Variants in ZNF521 observed in about 807,000 individuals in gnomAD.
The protein encoded by ZNF521 is LYST-interacting protein 3.
In ZNF521, 14 loss-of-function variants were observed where a neutral mutation model predicts 105.5. The ratio of observed to expected loss-of-function variants is 0.13; its 90% CI spans 0.09 to 0.21. The LOEUF (loss-of-function observed/expected upper bound fraction) is 0.21, where lower values mean the gene tolerates loss of function less well. Among genes scored for constraint, ZNF521 ranks in the 10% least tolerant of loss-of-function variants. The pLI is 1.00. For missense variants in ZNF521, 1,233 were observed against 1,629.7 expected, an observed-to-expected ratio of 0.76 and a Z score of 4.19; for synonymous variants, 635 against 606.0, an observed-to-expected ratio of 1.05 and a Z score of -0.70.
chr18:25,143,739 A>C (rs1006704744), intron 5 of ZNF521, among the ~76,000 whole-genome samples: 1 of 152,198 alleles, frequency 6.6e-6, no homozygotes, highest in Admixed American at 6.6e-5. Context: ...GTAGAGACAG[A>C]AAGTTGCGAT....
intron 3 of ZNF521, among the ~76,000 whole-genome samples, chr18:25,262,323 T>C (rs1382537264): frequency 2.6e-5 from 4 of 152,234 alleles, no homozygotes; most frequent in Non-Finnish European, 5.9e-5. Flanking sequence ...TCACATGGTA[T>C]AGTACTCTTT....
At chr18:25,257,775 G>C (rs1908620919) in intron 3 of ZNF521, among the ~76,000 whole-genome samples, 1 of 152,168 alleles carries the variant, frequency 6.6e-6, no homozygotes, top group East Asian at 1.9e-4. Context: ...CTTTCTGACT[G>C]GAAGAGATAC....
chr18:25,340,084 T>C (rs1164760771), intron 2 of ZNF521, among the ~76,000 whole-genome samples: 1 of 152,110 alleles, frequency 6.6e-6, no homozygotes, highest in Non-Finnish European at 1.5e-5. Context: ...TGGTAGGTTG[T>C]GGTGGCTCAC....
At chr18:25,114,275 T>C (rs376658875) in intron 5 of ZNF521, among the ~76,000 whole-genome samples, 5 of 152,178 alleles carry the variant, frequency 3.3e-5, no homozygotes, top group African/African-American at 1.2e-4. Context: ...TTTCCAATGC[T>C]GCAATACTGG....
At chr18:25,079,030 C>T (rs538170222) in intron 7 of ZNF521, among the ~76,000 whole-genome samples, 1 of 152,336 alleles carries the variant, frequency 6.6e-6, no homozygotes, top group South Asian at 2.1e-4. Flanking sequence ...CACAAATCAC[C>T]ACTGCTCTTT....
At chr18:25,186,712 C>T (rs964129719) in intron 5 of ZNF521, among the ~76,000 whole-genome samples, 10 of 151,962 alleles carry the variant, frequency 6.6e-5, no homozygotes, top group Admixed American at 1.3e-4. Flanking sequence ...CTTCCACCTC[C>T]AGACCTTCAG....
At chr18:25,180,086 A>C (rs2035605339) in intron 5 of ZNF521, among the ~76,000 whole-genome samples, 1 of 152,258 alleles carries the variant, frequency 6.6e-6, no homozygotes, top group African/African-American at 2.4e-5. Flanking sequence ...AGTTAAAAAA[A>C]CTTTTTCGTT....
chr18:25,299,855 G>A (rs1034466240), intron 3 of ZNF521, among the ~76,000 whole-genome samples: 1 of 152,178 alleles, frequency 6.6e-6, no homozygotes. Flanking sequence ...GAGAGACTCT[G>A]ATTTCGGTGG....
chr18:25,098,235 G>T lies in ZNF521; in HGVS notation c.3659-6154C>A, dbSNP rs1051189616. On this transcript the variant is annotated intron_variant, in intron 5 of 7. Transcript: ENST00000361524. ...AAAAGGTGGCTTTCCTTCAACTGAG[G>T]GGACTCAGCAGTGGTATTTTGGCAC... Among the ~76,000 whole-genome samples, 3 of 152,090 alleles carry T rather than the reference G, an allele frequency of 2.0e-5. No individual in the cohort carries two copies. In the South Asian group the frequency reaches 6.2e-4, roughly 31 times the overall value.
intron 5 of ZNF521, among the ~76,000 whole-genome samples, chr18:25,132,965 C>T (rs141967383): frequency 0.01 from 1,593 of 152,248 alleles, 13 homozygotes; most frequent in Non-Finnish European, 0.017. Flanking sequence ...AACAGCAGGA[C>T]ATGTGTGCGG....
intron 4 of ZNF521, chr18:25,201,645 T>G (rs1347067464): frequency 6.6e-6 from 1 of 152,188 alleles, no homozygotes; most frequent in Non-Finnish European, 1.5e-5. Context: ...TCCCTCTATT[T>G]CAAGGCTTTT....
chr18:25,323,615 CTT>C (rs1197311875), intron 2 of ZNF521, among the ~76,000 whole-genome samples: 5 of 152,052 alleles, frequency 3.3e-5, no homozygotes, highest in African/African-American at 7.2e-5. Flanking sequence ...CTATTTAACA[CTT>C]TAGATATTTC....
chr18:25,191,293 A>G (rs753564793), intron 5 of ZNF521, among the ~76,000 whole-genome samples: 2 of 152,172 alleles, frequency 1.3e-5, no homozygotes, highest in Non-Finnish European at 2.9e-5. Context: ...TGAACTTTGA[A>G]AGGGAGGCCT....
chr18:25,082,669 C>G, intron 7 of ZNF521: 1 of 415,804 alleles, frequency 2.4e-6, no homozygotes, highest in Non-Finnish European at 4.7e-6. Context: ...AACCCCATCT[C>G]TACTAAAATA....
At chr18:25,307,726 A>G (rs1382832147) in intron 3 of ZNF521, among the ~76,000 whole-genome samples, 1 of 152,194 alleles carries the variant, frequency 6.6e-6, no homozygotes, top group African/African-American at 2.4e-5. Flanking sequence ...GAAGTCATAA[A>G]AGACACTGCA....
At chr18:25,295,867 A>G (rs1455941286) in intron 3 of ZNF521, among the ~76,000 whole-genome samples, 8 of 152,184 alleles carry the variant, frequency 5.3e-5, no homozygotes, top group African/African-American at 4.8e-5. Flanking sequence ...CTTAGTGTAT[A>G]ATGCCAAACC....
chr18:25,256,393 G>A (rs1269931332), intron 3 of ZNF521, among the ~76,000 whole-genome samples: 1 of 152,112 alleles, frequency 6.6e-6, no homozygotes, highest in Non-Finnish European at 1.5e-5. Context: ...AAAATTTTAT[G>A]TTATGTATAC....
Position 25,195,157 on chromosome 18 carries a change from C to T in ZNF521, c.3658+3G>A. The T allele has an allele frequency of 6.3e-7, 1 of 1,597,864 alleles. No individual in the cohort carries two copies. The highest frequency in any genetic ancestry group is 8.5e-7 in the Non-Finnish European group (1 of 1,171,918). On this transcript the variant is annotated splice_donor_region_variant and intron_variant, in intron 5 of 7. Coordinates refer to ENST00000361524, the MANE Select transcript of ZNF521 (RefSeq NM_015461.3). ...CTGTAATAAGGTTTAGAGTGTCACTCACCAATCATGTGATTTGCAACATGA... is the reference window on the plus strand; with the variant it reads ...CTGTAATAAGGTTTAGAGTGTCACTTACCAATCATGTGATTTGCAACATGA...
At chr18:25,199,730 C>G (rs1280130830) in intron 4 of ZNF521, among the ~76,000 whole-genome samples, 2 of 151,984 alleles carry the variant, frequency 1.3e-5, no homozygotes, top group African/African-American at 2.4e-5. Flanking sequence ...TTTAGAAGCT[C>G]AACCTAACCT....
Sources: gnomAD v4.1 joint callset for allele counts (sites outside exome capture counted in the v4.1 genomes callset) on GRCh38, gnomAD v4.1.1 for gene constraint, MANE v1.5 for transcripts, NCBI Gene and HGNC (gene_info 2026-07-23, HGNC 2026-07-21) for gene names.